The following BMAL1 variants were observed in gnomAD, a reference collection of about 807,000 sequenced individuals.
The protein encoded by BMAL1 is basic helix-loop-helix ARNT like 1.
chr11:13,349,477 C>T, the BMAL1 span, among the ~76,000 whole-genome samples: 58 of 152,292 alleles, frequency 3.8e-4, no homozygotes, highest in African/African-American at 1.1e-3. Context: ...TTCTGTAAAA[C>T]GGAGAACACA....
chr11:13,305,769 T>C, the BMAL1 span, among the ~76,000 whole-genome samples: 1 of 152,106 alleles, frequency 6.6e-6, no homozygotes, highest in Admixed American at 6.5e-5. Context: ...GCTGGCATGG[T>C]TGTGAGTAGG....
chr11:13,370,602 C>A, the BMAL1 span, among the ~76,000 whole-genome samples: 7 of 152,258 alleles, frequency 4.6e-5, no homozygotes, highest in East Asian at 1.4e-3. Flanking sequence ...CACAATGAGT[C>A]CCATCTGCAA....
the BMAL1 span, among the ~76,000 whole-genome samples, chr11:13,332,565 T>G: frequency 2.0e-5 from 3 of 152,268 alleles, no homozygotes; most frequent in Non-Finnish European, 4.4e-5. Flanking sequence ...TAAAATAGTT[T>G]CTAGTTTTAA....
the BMAL1 span, among the ~76,000 whole-genome samples, chr11:13,319,352 A>G: frequency 6.6e-6 from 1 of 152,214 alleles, no homozygotes; most frequent in Non-Finnish European, 1.5e-5. Flanking sequence ...TTTCTTTGGT[A>G]TAGATACATA....
At chr11:13,344,163 C>T in the BMAL1 span, among the ~76,000 whole-genome samples, 2 of 152,174 alleles carry the variant, frequency 1.3e-5, no homozygotes, top group Admixed American at 6.5e-5. Flanking sequence ...AAGACCTCTT[C>T]GCTGGTCTCA....
chr11:13,356,946 G>A, the BMAL1 span: 40 of 1,590,482 alleles, frequency 2.5e-5, 1 homozygote, highest in South Asian at 4.3e-4. Flanking sequence ...GTCCCCTTGT[G>A]TGTCTGCAGA....
At chr11:13,359,837 C>T in the BMAL1 span, among the ~76,000 whole-genome samples, 1 of 152,182 alleles carries the variant, frequency 6.6e-6, no homozygotes, top group Non-Finnish European at 1.5e-5. Flanking sequence ...CACATTGCCA[C>T]GCTCGTTTAA....
At chr11:13,326,032 G>A in the BMAL1 span, among the ~76,000 whole-genome samples, 7 of 151,656 alleles carry the variant, frequency 4.6e-5, no homozygotes, top group Admixed American at 2.6e-4. Context: ...ATGAAACCCT[G>A]TGTCTACTAA....
the BMAL1 span, among the ~76,000 whole-genome samples, chr11:13,317,158 T>A: frequency 1.3e-5 from 2 of 152,202 alleles, no homozygotes; most frequent in Non-Finnish European, 2.9e-5. Flanking sequence ...TTATTGTTAA[T>A]AATAATTATA....
the BMAL1 span, among the ~76,000 whole-genome samples, chr11:13,346,285 G>C: frequency 6.6e-6 from 1 of 152,222 alleles, no homozygotes; most frequent in Admixed American, 6.5e-5. Context: ...TTCCCACTGG[G>C]TGGGACAGCT....
the BMAL1 span, among the ~76,000 whole-genome samples, chr11:13,334,584 G>A: frequency 8.7e-5 from 13 of 150,102 alleles, no homozygotes; most frequent in South Asian, 2.1e-4. Flanking sequence ...TGTTTAAAGT[G>A]CTTAGTCATG....
At chr11:13,350,744 TAAA>T in the BMAL1 span, among the ~76,000 whole-genome samples, 1 of 152,148 alleles carries the variant, frequency 6.6e-6, no homozygotes, top group African/African-American at 2.4e-5. Flanking sequence ...AGCATTAAAT[TAAA>T]AAAATCATTA....
the BMAL1 span, among the ~76,000 whole-genome samples, chr11:13,371,881 TG>T: frequency 6.6e-6 from 1 of 152,172 alleles, no homozygotes; most frequent in East Asian, 1.9e-4. Context: ...ACTGGTTTTT[TG>T]GGGGAGCCTT....
the BMAL1 span, among the ~76,000 whole-genome samples, chr11:13,307,657 A>G: frequency 6.6e-6 from 1 of 152,158 alleles, no homozygotes; most frequent in Non-Finnish European, 1.5e-5. Flanking sequence ...CAGAAGTGTT[A>G]GTGTTGTTGG....
the BMAL1 span, among the ~76,000 whole-genome samples, chr11:13,363,726 G>A: frequency 6.6e-6 from 1 of 152,148 alleles, no homozygotes; most frequent in East Asian, 1.9e-4. Context: ...TGAAAACTAG[G>A]CAGACCGTAC....
chr11:13,372,374 C>T, the BMAL1 span: 67 of 1,614,138 alleles, frequency 4.2e-5, no homozygotes, highest in East Asian at 1.0e-3. Context: ...TTTCTCGGCA[C>T]GCGATAGATG....
At chr11:13,358,944 C>T in the BMAL1 span, among the ~76,000 whole-genome samples, 4 of 152,178 alleles carry the variant, frequency 2.6e-5, no homozygotes, top group East Asian at 1.9e-4. Flanking sequence ...AATTATAACA[C>T]GCAGAAATGT....
At chr11:13,303,471 A>C in the BMAL1 span, among the ~76,000 whole-genome samples, 1 of 152,238 alleles carries the variant, frequency 6.6e-6, no homozygotes, top group Non-Finnish European at 1.5e-5. Flanking sequence ...GGAGTGGTCA[A>C]AGAAGGCCTC....
At chr11:13,341,760 A>G in the BMAL1 span, among the ~76,000 whole-genome samples, 2 of 152,254 alleles carry the variant, frequency 1.3e-5, no homozygotes, top group Non-Finnish European at 2.9e-5. Context: ...AATTAAAGAC[A>G]AAGACAGGCA....
Sources: allele counts gnomAD v4.1 joint callset (sites outside exome capture counted in the v4.1 genomes callset), GRCh38; gene constraint gnomAD v4.1.1; transcripts MANE v1.5; gene names NCBI Gene and HGNC (gene_info 2026-07-23, HGNC 2026-07-21).